PRSS23: variants seen among roughly 807,000 people sequenced by gnomAD.
PRSS23 encodes protease, serine 23.
A neutral mutation model predicts 34.7 loss-of-function variants in PRSS23; 25 were observed. The observed-to-expected ratio is 0.72, with a 90% CI of 0.53 to 1.01. The LOEUF (loss-of-function observed/expected upper bound fraction) is 1.01, where lower values mean the gene tolerates loss of function less well. Among genes scored for constraint, PRSS23 ranks in the 50% least tolerant of loss-of-function variants. PRSS23 has a pLI of 0.00. For synonymous variants in PRSS23, 176 were observed against 186.6 expected (o/e 0.94, Z 0.46); for missense variants, 445 against 475.6 (o/e 0.94, Z 0.60).
chr11:86,869,847 A>G (rs1948673374), intron 2 of PRSS23, among the ~76,000 whole-genome samples: 1 of 152,222 alleles, frequency 6.6e-6, no homozygotes, highest in Non-Finnish European at 1.5e-5. Context: ...TGAGGGCAAG[A>G]GCTACATATC....
At chr11:86,927,493 C>T (rs558101236) in intron 2 of PRSS23, among the ~76,000 whole-genome samples, 1 of 152,222 alleles carries the variant, frequency 6.6e-6, no homozygotes, top group African/African-American at 2.4e-5. Context: ...AAGATTTTAC[C>T]TTCTCATTTT....
chr11:86,816,035 G>A (rs1262426954), downstream of PRSS23, among the ~76,000 whole-genome samples: 1 of 151,922 alleles, frequency 6.6e-6, no homozygotes, highest in African/African-American at 2.4e-5. Flanking sequence ...AGTTTTCTTA[G>A]CCATGAATCC....
chr11:86,844,694 C>G (rs1459501843), intron 2 of PRSS23, among the ~76,000 whole-genome samples: 1 of 152,184 alleles, frequency 6.6e-6, no homozygotes, highest in Non-Finnish European at 1.5e-5. Context: ...TCAATAGAAT[C>G]ATAGGACCCA....
intron 2 of PRSS23, among the ~76,000 whole-genome samples, chr11:86,884,475 T>C (rs1948789902): frequency 6.6e-6 from 1 of 152,102 alleles, no homozygotes; most frequent in Non-Finnish European, 1.5e-5. Flanking sequence ...AATTTTTGTA[T>C]TTTTAGTAGA....
intron 2 of PRSS23, among the ~76,000 whole-genome samples, chr11:86,876,576 G>A (rs1948725451): frequency 6.6e-6 from 1 of 152,128 alleles, no homozygotes; most frequent in African/African-American, 2.4e-5. Context: ...TGGACCACCA[G>A]AATTGACATC....
intron 1 of PRSS23, among the ~76,000 whole-genome samples, chr11:86,804,031 G>A (rs1424017180): frequency 6.6e-6 from 1 of 152,046 alleles, no homozygotes; most frequent in African/African-American, 2.4e-5. Flanking sequence ...CTGGACTTAC[G>A]TGATTCTGGA....
chr11:86,895,477 CT>C (rs71040269), intron 2 of PRSS23, among the ~76,000 whole-genome samples: 8,038 of 86,056 alleles, frequency 0.093, 138 homozygotes, highest in African/African-American at 0.18. Flanking sequence ...TTATTTTATC[CT>C]TTTTTTTTTT....
At chr11:86,863,752 T>G (rs537028371) in intron 2 of PRSS23, among the ~76,000 whole-genome samples, 1 of 151,946 alleles carries the variant, frequency 6.6e-6, no homozygotes, top group African/African-American at 2.4e-5. Context: ...CTCCTTAAAA[T>G]GTTTTTAAAA....
chr11:86,834,838 A>C (rs1438464231), intron 2 of PRSS23, among the ~76,000 whole-genome samples: 1 of 152,144 alleles, frequency 6.6e-6, no homozygotes, highest in Non-Finnish European at 1.5e-5. Context: ...AGTAAGGGCT[A>C]TTAGTTCTGC....
chr11:86,878,410 G>A (rs939448015), intron 2 of PRSS23, among the ~76,000 whole-genome samples: 1 of 152,110 alleles, frequency 6.6e-6, no homozygotes, highest in Non-Finnish European at 1.5e-5. Context: ...TTGCAGGCGC[G>A]CGCCGCCACG....
exon 3 of PRSS23, chr11:86,952,520 GT>G (rs762249754): frequency 6.3e-7 from 1 of 1,596,834 alleles, no homozygotes; most frequent in Admixed American, 1.7e-5. Flanking sequence ...TGACTTGGAA[GT>G]TTGACCAAAT....
At chr11:86,883,096 G>C (rs1477169658) in intron 2 of PRSS23, among the ~76,000 whole-genome samples, 1 of 152,138 alleles carries the variant, frequency 6.6e-6, no homozygotes, top group Non-Finnish European at 1.5e-5. Flanking sequence ...ATAGATGCTG[G>C]ATATTAGACC....
At chr11:86,895,828 G>C (rs1181636894) in intron 2 of PRSS23, among the ~76,000 whole-genome samples, 1 of 152,160 alleles carries the variant, frequency 6.6e-6, no homozygotes, top group Non-Finnish European at 1.5e-5. Context: ...TGTAGCCACA[G>C]CTATAATTAG....
At chr11:86,944,214 G>C (rs561948126) in intron 2 of PRSS23, among the ~76,000 whole-genome samples, 7 of 151,614 alleles carry the variant, frequency 4.6e-5, no homozygotes, top group African/African-American at 1.7e-4. Context: ...CTCTGTGTCG[G>C]CCTTCCCATG....
chr11:86,849,369 C>T (rs73526387), intron 2 of PRSS23, among the ~76,000 whole-genome samples: 23 of 152,280 alleles, frequency 1.5e-4, no homozygotes, highest in African/African-American at 5.1e-4. Flanking sequence ...TTAGACAAAG[C>T]TGGAGCTATT....
chr11:86,800,976 CGGCGGG>C (rs1948030196), intron 1 of PRSS23, among the ~76,000 whole-genome samples: 1 of 152,102 alleles, frequency 6.6e-6, no homozygotes, highest in South Asian at 2.1e-4. Context: ...AGCTGTCCTT[CGGCGGG>C]GGCGATGGCT....
chr11:86,926,703 G>A (rs1181039684), intron 2 of PRSS23, among the ~76,000 whole-genome samples: 2 of 152,058 alleles, frequency 1.3e-5, no homozygotes, highest in Admixed American at 1.3e-4. Context: ...CTCCATTAGG[G>A]TTACACTCCT....
At chr11:86,900,096 C>CT (rs1251442415) in intron 2 of PRSS23, among the ~76,000 whole-genome samples, 1 of 152,150 alleles carries the variant, frequency 6.6e-6, no homozygotes, top group African/African-American at 2.4e-5. Flanking sequence ...AGTCAATGGA[C>CT]CTGAAGGACA....
intron 1 of PRSS23, among the ~76,000 whole-genome samples, chr11:86,801,060 G>T (rs1222419423): frequency 1.3e-5 from 2 of 152,128 alleles, no homozygotes; most frequent in Non-Finnish European, 2.9e-5. Context: ...GCATATACCG[G>T]ATTCCATCAA....
Sources: gnomAD v4.1 joint callset for allele counts (sites outside exome capture counted in the v4.1 genomes callset) on GRCh38, gnomAD v4.1.1 for gene constraint, MANE v1.5 for transcripts, NCBI Gene and HGNC (gene_info 2026-07-23, HGNC 2026-07-21) for gene names.